HLCS: variants seen among roughly 807,000 people sequenced by gnomAD.
The protein encoded by HLCS is holocarboxylase synthetase.
A neutral mutation model predicts 75.0 loss-of-function variants in HLCS; 53 were observed. The observed-to-expected ratio is 0.71, with a 90% CI of 0.57 to 0.89. HLCS has a LOEUF of 0.89. Among genes scored for constraint, HLCS ranks in the 40% least tolerant of loss-of-function variants. The probability of loss-of-function intolerance (pLI) is 0.00; values close to 1 mark genes in which losing one functional copy is unlikely to be tolerated. For synonymous variants in HLCS, 431 were observed against 428.6 expected, an observed-to-expected ratio of 1.01 and a Z score of -0.07; for missense variants, 966 against 1,074.0, an observed-to-expected ratio of 0.90 and a Z score of 1.41.
intron 6 of HLCS, among the ~76,000 whole-genome samples, chr21:36,855,622 C>G (rs1037338167): frequency 6.6e-6 from 1 of 151,624 alleles, no homozygotes; most frequent in Non-Finnish European, 1.5e-5. Flanking sequence ...GCTCTATTGT[C>G]CAGGCTGGAA....
At chr21:36,908,552 G>A (rs886288968) in intron 5 of HLCS, among the ~76,000 whole-genome samples, 10 of 152,108 alleles carry the variant, frequency 6.6e-5, no homozygotes, top group South Asian at 2.1e-4. Context: ...TCATATGACC[G>A]AGAAATTCTA....
At chr21:36,764,011 T>C (rs2089945522) in intron 8 of HLCS, among the ~76,000 whole-genome samples, 2 of 152,196 alleles carry the variant, frequency 1.3e-5, no homozygotes, top group Admixed American at 1.3e-4. Flanking sequence ...GAGAAAGGTT[T>C]TTAGGTCCCC....
intron 6 of HLCS, chr21:36,852,152 G>C (rs754404314): frequency 1.3e-5 from 2 of 152,206 alleles, no homozygotes; most frequent in Non-Finnish European, 2.9e-5. Context: ...GATGCCATTC[G>C]TTCTCACATG....
chr21:36,824,180 G>A (rs2061937782), intron 6 of HLCS, among the ~76,000 whole-genome samples: 1 of 152,114 alleles, frequency 6.6e-6, no homozygotes, highest in African/African-American at 2.4e-5. Flanking sequence ...GCAAAGACAT[G>A]GAATCAATCC....
chr21:36,833,942 T>C (rs1471261962), intron 6 of HLCS, among the ~76,000 whole-genome samples: 1 of 152,240 alleles, frequency 6.6e-6, no homozygotes, highest in Non-Finnish European at 1.5e-5. Flanking sequence ...TTTAGTACAG[T>C]GGACCTGTGA....
At chr21:36,947,050 C>T (rs1038401204) in intron 2 of HLCS, among the ~76,000 whole-genome samples, 12 of 152,094 alleles carry the variant, frequency 7.9e-5, no homozygotes, top group Admixed American at 5.2e-4. Flanking sequence ...CAACCTCCCG[C>T]GGGAAGCTAA....
chr21:36,776,697 G>A (rs2060369033), intron 6 of HLCS, among the ~76,000 whole-genome samples: 1 of 152,166 alleles, frequency 6.6e-6, no homozygotes, highest in Admixed American at 6.5e-5. Context: ...ACAGGCGTGA[G>A]CCACCGCACC....
At chr21:36,988,918 T>C (rs946714987) in intron 1 of HLCS, among the ~76,000 whole-genome samples, 3 of 152,206 alleles carry the variant, frequency 2.0e-5, no homozygotes, top group Admixed American at 2.0e-4. Context: ...CTTGGGATCT[T>C]AACCCTTTAT....
chr21:36,912,407 A>T (rs1240495542), intron 5 of HLCS, among the ~76,000 whole-genome samples: 1 of 152,206 alleles, frequency 6.6e-6, no homozygotes, highest in Non-Finnish European at 1.5e-5. Context: ...CAAATATTGT[A>T]TGATGTCACT....
intron 4 of HLCS, among the ~76,000 whole-genome samples, chr21:36,934,654 C>T (rs2835537): frequency 0.56 from 85,288 of 151,996 alleles, 24,196 homozygotes; most frequent in East Asian, 0.64. Context: ...GCAGCTTACT[C>T]GGCTGGGACA....
chr21:36,860,273 A>T (rs1017922124), intron 6 of HLCS, among the ~76,000 whole-genome samples: 2 of 152,104 alleles, frequency 1.3e-5, no homozygotes, highest in Non-Finnish European at 1.5e-5. Context: ...CCAGCTAGTT[A>T]GTGGCGGGGC....
intron 8 of HLCS, among the ~76,000 whole-genome samples, chr21:36,760,308 A>C (rs1476329745): frequency 6.6e-6 from 1 of 152,066 alleles, no homozygotes; most frequent in East Asian, 1.9e-4. Context: ...GCAGGTAGAA[A>C]TGTCTTGAGT....
intron 2 of HLCS, among the ~76,000 whole-genome samples, chr21:36,952,297 A>C (rs998917295): frequency 2.0e-5 from 3 of 152,200 alleles, no homozygotes; most frequent in Admixed American, 2.0e-4. Flanking sequence ...CTATGAGATC[A>C]ATCCCTTTTT....
At chr21:36,969,505 T>A (rs1449341139), upstream of HLCS, 2 of 151,992 alleles carry the variant, frequency 1.3e-5, no homozygotes, top group African/African-American at 4.8e-5. Context: ...CCTCTGTCAT[T>A]CCCTGGGTCT....
At chr21:36,783,337 T>C (rs2060589050) in intron 6 of HLCS, among the ~76,000 whole-genome samples, 1 of 152,186 alleles carries the variant, frequency 6.6e-6, no homozygotes, top group Non-Finnish European at 1.5e-5. Flanking sequence ...AGACTGGGGT[T>C]CTAAAACCAC....
At chr21:36,869,249 G>A (rs917096283) in intron 6 of HLCS, among the ~76,000 whole-genome samples, 6 of 151,926 alleles carry the variant, frequency 3.9e-5, no homozygotes, top group African/African-American at 9.7e-5. Context: ...CTCAGCCTCC[G>A]GAGTAGCTGG....
At position 36,938,141 on chromosome 21, in the gene HLCS, T is replaced by C. The variant is rs192928658; in HGVS notation, c.493+691A>G. On this transcript the variant is annotated intron_variant, in intron 3 of 10. Transcript: ENST00000674895. ...TCCCAAGAAATTGTGATACATATAT[T>C]TTAAGTAAAAAGCGGTTTGATTTAG... Among the ~76,000 whole-genome samples the C allele has an allele frequency of 7.2e-5, 11 of 152,306 alleles. No individual in the cohort carries two copies. In the East Asian group the frequency reaches 2.1e-3, roughly 29 times the overall value.
intron 6 of HLCS, among the ~76,000 whole-genome samples, chr21:36,805,310 C>T (rs1043014365): frequency 1.3e-5 from 2 of 152,214 alleles, no homozygotes; most frequent in African/African-American, 4.8e-5. Flanking sequence ...GTCCAGGTAT[C>T]CCCTGGAAGT....
chr21:36,838,935 C>G (rs928656637), intron 6 of HLCS, among the ~76,000 whole-genome samples: 2 of 152,202 alleles, frequency 1.3e-5, no homozygotes, highest in Admixed American at 6.5e-5. Context: ...CCAGAACCGA[C>G]AGAGAATTAT....
Sources: gnomAD v4.1 joint callset for allele counts (sites outside exome capture counted in the v4.1 genomes callset) on GRCh38, gnomAD v4.1.1 for gene constraint, MANE v1.5 for transcripts, NCBI Gene and HGNC (gene_info 2026-07-23, HGNC 2026-07-21) for gene names.